FYB1: variants seen among roughly 807,000 people sequenced by gnomAD.
FYB1 encodes the protein FYN-binding protein 1.
A neutral mutation model predicts 94.1 loss-of-function variants in FYB1; 41 were observed. That is an observed-to-expected ratio of 0.44 (90% CI 0.34 to 0.57). The LOEUF is 0.57. Among genes scored for constraint, FYB1 ranks in the 20% least tolerant of loss-of-function variants. The pLI, the probability that FYB1 is intolerant of heterozygous loss-of-function variation, is 0.02. For synonymous variants in FYB1, 367 were observed against 353.2 expected (o/e 1.04, Z -0.44); for missense variants, 1,050 against 976.8 (o/e 1.07, Z -1.00).
chr5:39,220,451 T>C (rs1186990570), upstream of FYB1, among the ~76,000 whole-genome samples: 1 of 109,122 alleles, frequency 9.2e-6, no homozygotes, highest in Non-Finnish European at 2.0e-5. Context: ...GAAAGAAAAA[T>C]AAAGAGAAGG....
chr5:39,205,994 G>T lies in FYB1; in HGVS notation c.-27-3007C>A, dbSNP rs115355179. Among the ~76,000 whole-genome samples the T allele has an allele frequency of 3.1e-3, 473 of 152,214 alleles. 3 individuals carry two copies. The highest frequency in any genetic ancestry group is 0.011 in the African/African-American group (439 of 41,500). On this transcript the variant is annotated intron_variant, in intron 1 of 18. Coordinates refer to ENST00000512982, the MANE Select transcript of FYB1 (RefSeq NM_001465.6). The stretch of plus-strand genomic sequence containing the variant: ...TCTGCCATCTCTGTTTTTCTAATTT[G>T]CTAGTCACAAAACATTATTTCTCTA...
intron 14 of FYB1, 77 bp from the exon 15 acceptor site, chr5:39,119,711 A>G (rs545894339): frequency 2.3e-6 from 3 of 1,302,266 alleles, no homozygotes; most frequent in East Asian, 3.0e-5. Context: ...GAGACGATTC[A>G]TAGCATTATA....
chr5:39,149,464 G>T (rs1277172595), intron 3 of FYB1, among the ~76,000 whole-genome samples: 1 of 152,070 alleles, frequency 6.6e-6, no homozygotes, highest in African/African-American at 2.4e-5. Context: ...CTCTTGACTG[G>T]ATCTTTCCAT....
chr5:39,111,496 A>T (rs540011110), intron 16 of FYB1, among the ~76,000 whole-genome samples: 1 of 152,056 alleles, frequency 6.6e-6, no homozygotes, highest in Non-Finnish European at 1.5e-5. Context: ...AATATTTTTT[A>T]AAAGTTGGAA....
intron 11 of FYB1, among the ~76,000 whole-genome samples, chr5:39,127,208 T>G (rs1740763054): frequency 6.6e-6 from 1 of 151,504 alleles, no homozygotes; most frequent in South Asian, 2.1e-4. Flanking sequence ...TAATTATTAT[T>G]AAGTTAAAGG....
At chr5:39,184,444 TAA>T in intron 2 of FYB1, among the ~76,000 whole-genome samples, 1 of 152,302 alleles carries the variant, frequency 6.6e-6, no homozygotes, top group Non-Finnish European at 1.5e-5. Context: ...AAACAAAAGT[TAA>T]ACGGGCTATT....
intron 2 of FYB1, among the ~76,000 whole-genome samples, chr5:39,188,067 G>C (rs1343915426): frequency 2.0e-5 from 3 of 152,162 alleles, no homozygotes; most frequent in Non-Finnish European, 4.4e-5. Context: ...CTGACGGTCA[G>C]TTGGTGTGCA....
chr5:39,193,693 A>G (rs547062586), intron 2 of FYB1, among the ~76,000 whole-genome samples: 1 of 152,204 alleles, frequency 6.6e-6, no homozygotes, highest in African/African-American at 2.4e-5. Context: ...CTTCAGCATA[A>G]AAGTCCTAAA....
chr5:39,111,185 T>G (rs1396290411), intron 16 of FYB1, among the ~76,000 whole-genome samples: 1 of 151,988 alleles, frequency 6.6e-6, no homozygotes, highest in East Asian at 1.9e-4. Context: ...CTTAAGAAAA[T>G]GCCTGCTGAT....
intron 1 of FYB1, among the ~76,000 whole-genome samples, chr5:39,250,178 G>A (rs1165031298): frequency 6.6e-6 from 1 of 152,186 alleles, no homozygotes; most frequent in Non-Finnish European, 1.5e-5. Flanking sequence ...AAACTAGCCA[G>A]TCTCGGCAGT....
intron 7 of FYB1, 24 bp from the exon 8 acceptor site, chr5:39,135,038 C>A (rs185339019): frequency 3.1e-6 from 5 of 1,605,880 alleles, no homozygotes; most frequent in Non-Finnish European, 4.3e-6. Context: ...AAAATAGTCA[C>A]AAAAGATTTC....
intron 2 of FYB1, chr5:39,169,656 C>T: frequency 4.5e-6 from 2 of 440,972 alleles, no homozygotes; most frequent in Non-Finnish European, 8.9e-6. Context: ...ACCAGTCTGG[C>T]CAACATGGTG....
chr5:39,147,198 C>T (rs1048718816), intron 3 of FYB1, among the ~76,000 whole-genome samples: 1 of 151,988 alleles, frequency 6.6e-6, no homozygotes, highest in Admixed American at 6.6e-5. Flanking sequence ...TAATGACTGT[C>T]ATTTTTAGAA....
At chr5:39,192,748 A>G (rs778697854) in intron 2 of FYB1, among the ~76,000 whole-genome samples, 75 of 152,258 alleles carry the variant, frequency 4.9e-4, no homozygotes, top group Admixed American at 1.2e-3. Context: ...ACTATTGTTG[A>G]GCTAAAGTTA....
intron 4 of FYB1, 186 bp from the exon 5 acceptor site, chr5:39,139,438 G>T (rs1741956842): frequency 2.3e-6 from 1 of 427,964 alleles, no homozygotes; most frequent in South Asian, 5.9e-5. Flanking sequence ...TTTTATTTGT[G>T]CTGGTGACTT....
intron 2 of FYB1, among the ~76,000 whole-genome samples, chr5:39,159,191 TTCA>T (rs1744025315): frequency 6.6e-6 from 1 of 152,222 alleles, no homozygotes; most frequent in African/African-American, 2.4e-5. Flanking sequence ...ATTATTTAAT[TTCA>T]TCATCTATTT....
At chr5:39,163,331 C>G (rs1031651475) in intron 2 of FYB1, among the ~76,000 whole-genome samples, 14 of 152,154 alleles carry the variant, frequency 9.2e-5, no homozygotes, top group Admixed American at 8.5e-4. Flanking sequence ...CAGCTTAGAA[C>G]AGTCCAACAA....
intron 1 of FYB1, among the ~76,000 whole-genome samples, chr5:39,269,078 C>T (rs921625300): frequency 6.6e-6 from 1 of 151,624 alleles, no homozygotes; most frequent in Non-Finnish European, 1.5e-5. Flanking sequence ...GAGATGGAGT[C>T]TTGCTCTGTG....
intron 7 of FYB1, among the ~76,000 whole-genome samples, chr5:39,137,166 A>G (rs1741739492): frequency 6.6e-6 from 1 of 152,192 alleles, no homozygotes; most frequent in African/African-American, 2.4e-5. Context: ...ATTAGAGTAG[A>G]TCATGGAAAT....
Sources: gnomAD v4.1 joint callset for allele counts (sites outside exome capture counted in the v4.1 genomes callset) on GRCh38, gnomAD v4.1.1 for gene constraint, MANE v1.5 for transcripts, NCBI Gene and HGNC (gene_info 2026-07-23, HGNC 2026-07-21) for gene names.